The following BAIAP2L2 variants were observed in gnomAD, a reference collection of about 807,000 sequenced individuals.
The protein encoded by BAIAP2L2 is BAR/IMD domain containing adaptor protein 2 like 2, also known as BAR/IMD domain-containing adapter protein 2-like 2.
In BAIAP2L2, 65 loss-of-function variants were observed where a neutral mutation model predicts 60.4. That is an observed-to-expected ratio of 1.08 (90% CI 0.88 to 1.32). The LOEUF is 1.32. BAIAP2L2 is among the 40% of genes most tolerant of loss of function. BAIAP2L2 has a pLI of 0.00. For synonymous variants in BAIAP2L2, 344 were observed against 301.7 expected, an observed-to-expected ratio of 1.14 and a Z score of -1.45; for missense variants, 836 against 741.2, an observed-to-expected ratio of 1.13 and a Z score of -1.48.
At chr22:38,099,326 G>A (rs1286792259) in intron 4 of BAIAP2L2, among the ~76,000 whole-genome samples, 1 of 152,118 alleles carries the variant, frequency 6.6e-6, no homozygotes, top group African/African-American at 2.4e-5. Context: ...CTGAGGCCAG[G>A]AGTTCGAGAC....
At chr22:38,103,191 G>A (rs1373037809) in intron 4 of BAIAP2L2, among the ~76,000 whole-genome samples, 1 of 152,110 alleles carries the variant, frequency 6.6e-6, no homozygotes, top group African/African-American at 2.4e-5. Context: ...ACTTCAGCCT[G>A]GGTGACAGAG....
chr22:38,109,107 G>A lies in BAIAP2L2; in HGVS notation c.127+26C>T, dbSNP rs777081373. 59 of 1,589,732 alleles carry A rather than the reference G, an allele frequency of 3.7e-5. No individual in the cohort carries two copies. The East Asian group carries it at 8.7e-4, about 23-fold the overall frequency. ...GGAACAGCAGAGGCCCAGGGCTGGG[G>A]CTCGGTGGCCCGGGCAGGCACTCAC... On this transcript the variant is annotated intron_variant, in intron 2 of 13. Transcript: ENST00000381669.
chr22:38,097,571 G>A (rs2145999715), intron 6 of BAIAP2L2, among the ~76,000 whole-genome samples: 1 of 152,326 alleles, frequency 6.6e-6, no homozygotes, highest in Middle Eastern at 3.4e-3. Flanking sequence ...ACTTAAAGGA[G>A]CCAGAAGAGA....
chr22:38,094,436 T>A (rs988717582), intron 7 of BAIAP2L2, among the ~76,000 whole-genome samples: 3 of 152,156 alleles, frequency 2.0e-5, no homozygotes, highest in Non-Finnish European at 2.9e-5. Context: ...TCCACCCGCC[T>A]CGGCCTCCCA....
At position 38,088,950 on chromosome 22, in the gene BAIAP2L2, C is replaced by T. The variant is rs1029275263; in HGVS notation, c.916G>A (p.Gly306Ser). Residue 306 changes from glycine (G) to serine (S), a missense_variant, in exon 10 of 14, where the codon GGC (glycine) becomes AGC (serine). Transcript: ENST00000381669. ...RTPSASSLYS[G>S]SAQSSRSNSF... is the part of the protein sequence containing the mutation. The stretch of plus-strand genomic sequence containing the variant: ...TTGGAGCGCGAGCTTTGGGCGCTGC[C>T]GCTGTAGAGCGAGGCTGTGGGCGGG... 25 of 1,528,374 alleles carry T rather than the reference C, an allele frequency of 1.6e-5. No homozygotes were observed. Among genetic ancestry groups the T allele is most frequent in the Non-Finnish European group, 2.0e-5 (23 of 1,143,330 alleles). The allele number at this position is 1,528,374 out of a possible 1,614,324, so 94.7% of individuals were successfully genotyped here.
intron 2 of BAIAP2L2, 143 bp downstream of exon 2, chr22:38,108,990 G>C: frequency 5.4e-6 from 4 of 739,026 alleles, no homozygotes; most frequent in South Asian, 4.9e-5. Context: ...TGGCTGCAGA[G>C]GTGTGAGGGT....
chr22:38,093,878 T>A, intron 7 of BAIAP2L2: 1 of 456,342 alleles, frequency 2.2e-6, no homozygotes, highest in South Asian at 1.5e-5. Context: ...TATGTCCACA[T>A]GAAGACTCGT....
At chr22:38,102,069 G>A (rs1430012283) in intron 4 of BAIAP2L2, among the ~76,000 whole-genome samples, 2 of 152,118 alleles carry the variant, frequency 1.3e-5, no homozygotes, top group Admixed American at 6.6e-5. Flanking sequence ...GGTGCACCCC[G>A]ACATGGCCAG....
chr22:38,085,536 A>G (rs1436585355), intron 13 of BAIAP2L2, 150 bp downstream of exon 13: 24 of 1,251,176 alleles, frequency 1.9e-5, no homozygotes, highest in Non-Finnish European at 2.4e-5. Context: ...CTTTTAAGAG[A>G]TAGGGTCTCA....
chr22:38,098,723 G>T (rs1248056609), intron 4 of BAIAP2L2, among the ~76,000 whole-genome samples: 1 of 152,210 alleles, frequency 6.6e-6, no homozygotes, highest in African/African-American at 2.4e-5. Flanking sequence ...AAGTGTGTCA[G>T]AGTCTTCTGG....
intron 4 of BAIAP2L2, among the ~76,000 whole-genome samples, chr22:38,106,635 G>C (rs946859893): frequency 6.6e-6 from 1 of 151,762 alleles, no homozygotes; most frequent in East Asian, 1.9e-4. Flanking sequence ...TCACACATTG[G>C]AGGGAGAACA....
intron 2 of BAIAP2L2, among the ~76,000 whole-genome samples, chr22:38,108,650 G>GGTACAA (rs1186258862): frequency 6.6e-6 from 1 of 152,126 alleles, no homozygotes; most frequent in Non-Finnish European, 1.5e-5. Context: ...ACAGCGGACG[G>GGTACAA]GTACAAGGGT....
intron 5 of BAIAP2L2, 80 bp downstream of exon 5, chr22:38,098,331 C>T (rs1478208858): frequency 1.4e-6 from 2 of 1,480,496 alleles, no homozygotes; most frequent in East Asian, 2.3e-5. Context: ...CAGCACTGGC[C>T]TGTGTGTGCC....
Position 38,084,977 on chromosome 22 carries a change from C to T in BAIAP2L2, c.*323G>A. 1 of 326,158 alleles carries T rather than the reference C, an allele frequency of 3.1e-6. No homozygotes were observed. The highest frequency in any genetic ancestry group is 5.7e-6 in the Non-Finnish European group (1 of 175,470). 20.2% of individuals were successfully genotyped at this position (326,158 alleles called of 1,614,324 possible). A position where few individuals can be genotyped will look rare whatever the true frequency, so the allele number is the denominator to read the frequency against. Reference sequence around the variant, plus strand: ...GCATGTGTTGGGCACGGAGCAGGTACAAGGGGCTCCTCCCCACGGGGGCAG... The same window carrying T: ...GCATGTGTTGGGCACGGAGCAGGTATAAGGGGCTCCTCCCCACGGGGGCAG... On this transcript the variant is annotated 3_prime_UTR_variant, in exon 14 of 14. Transcript: ENST00000381669.
intron 7 of BAIAP2L2, among the ~76,000 whole-genome samples, chr22:38,096,775 A>G (rs1326272140): frequency 6.6e-6 from 1 of 152,280 alleles, no homozygotes; most frequent in Non-Finnish European, 1.5e-5. Flanking sequence ...CCACACATGA[A>G]TAAATAAATG....
Position 38,087,170 on chromosome 22 carries a change from T to C in BAIAP2L2, c.1213A>G (p.Met405Val), listed in dbSNP as rs747038353. The C allele has an allele frequency of 4.4e-6, 7 of 1,595,396 alleles. No homozygotes were observed. The South Asian group carries it at 7.9e-5, about 18-fold the overall frequency. The change falls in exon 11 of 14, where the codon ATG becomes GTG. Residue 405 changes from methionine to valine, a missense_variant. Physicochemically the swap from Met to Val is conservative, Grantham distance 21. Coordinates refer to ENST00000381669, the MANE Select transcript of BAIAP2L2 (RefSeq NM_025045.6). ...GGGTTCATGGGTGTCATGGGGGACA[T>C]GGAGGTCATGGAGGTCATGGGGGTC... ...PVTPMTSMTS[M>V]SPMTPMNPGN...
At chr22:38,098,299 A>G in intron 5 of BAIAP2L2, 112 bp downstream of exon 5, 2 of 1,445,496 alleles carry the variant, frequency 1.4e-6, no homozygotes, top group Non-Finnish European at 1.9e-6. Flanking sequence ...GAACATGGAT[A>G]ATCTGGGGCC....
intron 4 of BAIAP2L2, among the ~76,000 whole-genome samples, chr22:38,104,852 T>G (rs1389182956): frequency 6.6e-6 from 1 of 151,396 alleles, no homozygotes; most frequent in Non-Finnish European, 1.5e-5. Flanking sequence ...GGCTGTAAGG[T>G]AGAGTGATAA....
intron 7 of BAIAP2L2, chr22:38,091,669 A>AAAG (rs1430241274): frequency 6.6e-6 from 1 of 152,226 alleles, no homozygotes; most frequent in Non-Finnish European, 1.5e-5. Flanking sequence ...ATAAACTTGA[A>AAAG]AAGACCGATA....
Sources: gnomAD v4.1 joint callset for allele counts (sites outside exome capture counted in the v4.1 genomes callset) on GRCh38, gnomAD v4.1.1 for gene constraint, MANE v1.5 for transcripts, NCBI Gene and HGNC (gene_info 2026-07-23, HGNC 2026-07-21) for gene names.